Variants in ANKRD33B observed in about 807,000 individuals in gnomAD.
The protein encoded by ANKRD33B is ankyrin repeat domain 33B.
ANKRD33B carries 6 observed loss-of-function variants against 21.5 expected under a neutral mutation model. The observed-to-expected ratio is 0.28, with a 90% CI of 0.15 to 0.55. ANKRD33B has a LOEUF of 0.55. Among genes scored for constraint, ANKRD33B ranks in the 20% least tolerant of loss-of-function variants. The probability of loss-of-function intolerance (pLI) is 0.94; values close to 1 mark genes in which losing one functional copy is unlikely to be tolerated. For missense variants in ANKRD33B, 698 were observed against 747.2 expected (o/e 0.93, Z 0.77); for synonymous variants, 347 against 342.4 (o/e 1.01, Z -0.15).
rs758987186 is a variant in ANKRD33B at position 10,638,042 on chromosome 5, A to G, written c.511A>G (p.Thr171Ala). ...TAAQAGHAII[T>A]NYLLNYFPGL... ...TCTCTTTACAGGGCACGCTATCATC[A>G]CTAACTACTTGTTGAACTATTTCCC... The change falls in exon 3 of 4, where the codon ACT (threonine) becomes GCT (alanine). Residue 171 changes from threonine (T) to alanine (A), a missense_variant. Thr to Ala is a moderately conservative substitution (Grantham distance 58). This residue lies in a region of ANKRD33B where 543 missense variants were observed against 566.5 expected (regional missense o/e 0.96). Coordinates refer to ENST00000296657, the MANE Select transcript of ANKRD33B (RefSeq NM_001164440.2). 1.4e-4 allele frequency: 209 copies of G among 1,537,660 alleles called. No individual in the cohort carries two copies. The highest frequency in any genetic ancestry group is 1.8e-4 in the Non-Finnish European group (204 of 1,146,968).
intron 1 of ANKRD33B, among the ~76,000 whole-genome samples, chr5:10,574,013 C>T (rs1450229475): frequency 2.0e-5 from 3 of 152,234 alleles, no homozygotes; most frequent in Non-Finnish European, 4.4e-5. Flanking sequence ...GGCCTCCTCT[C>T]AGTCATGCTC....
intron 3 of ANKRD33B, among the ~76,000 whole-genome samples, chr5:10,647,779 C>A (rs1737221554): frequency 6.6e-6 from 1 of 152,174 alleles, no homozygotes; most frequent in Admixed American, 6.5e-5. Flanking sequence ...GGTGGAATTT[C>A]TTTGTTTCCA....
chr5:10,566,091 A>G (rs558097076), intron 1 of ANKRD33B, among the ~76,000 whole-genome samples: 23 of 152,298 alleles, frequency 1.5e-4, no homozygotes, highest in Non-Finnish European at 5.9e-5. Flanking sequence ...CTCCCACAAC[A>G]CGTGGGAATT....
intron 1 of ANKRD33B, among the ~76,000 whole-genome samples, chr5:10,566,809 T>C (rs1414651063): frequency 6.6e-6 from 1 of 152,048 alleles, no homozygotes; most frequent in Non-Finnish European, 1.5e-5. Context: ...GTCTGTAAAA[T>C]AGGGATAAGG....
At chr5:10,580,301 G>T (rs1465007057) in intron 1 of ANKRD33B, among the ~76,000 whole-genome samples, 2 of 152,248 alleles carry the variant, frequency 1.3e-5, no homozygotes, top group African/African-American at 4.8e-5. Flanking sequence ...GGGCCACACT[G>T]TCTGCTCATT....
intron 2 of ANKRD33B, among the ~76,000 whole-genome samples, chr5:10,621,658 TGAA>T (rs1421328371): frequency 3.2e-4 from 48 of 152,132 alleles, no homozygotes; most frequent in Admixed American, 3.1e-3. Flanking sequence ...AAAGGAAATT[TGAA>T]GAACAGGCAC....
intron 3 of ANKRD33B, among the ~76,000 whole-genome samples, chr5:10,640,882 T>G (rs1196095116): frequency 6.6e-6 from 1 of 152,180 alleles, no homozygotes; most frequent in African/African-American, 2.4e-5. Flanking sequence ...CTTCTTACTG[T>G]CTCCTCTCAT....
At chr5:10,596,341 CCT>C (rs1735817065) in intron 1 of ANKRD33B, among the ~76,000 whole-genome samples, 1 of 152,150 alleles carries the variant, frequency 6.6e-6, no homozygotes, top group East Asian at 1.9e-4. Context: ...CTGATAAGCC[CCT>C]GTGTGCATTG....
At chr5:10,629,474 T>G (rs1042455018) in intron 2 of ANKRD33B, among the ~76,000 whole-genome samples, 1 of 152,086 alleles carries the variant, frequency 6.6e-6, no homozygotes, top group East Asian at 1.9e-4. Context: ...ACTGGTGGTG[T>G]TCATCACTGA....
intron 1 of ANKRD33B, among the ~76,000 whole-genome samples, chr5:10,577,747 A>G (rs1735355934): frequency 6.6e-6 from 1 of 152,244 alleles, no homozygotes; most frequent in South Asian, 2.1e-4. Context: ...TTTTGCTGGC[A>G]CTGGGAATTC....
chr5:10,630,309 T>C (rs993929694), intron 2 of ANKRD33B, among the ~76,000 whole-genome samples: 3 of 152,220 alleles, frequency 2.0e-5, no homozygotes, highest in Non-Finnish European at 2.9e-5. Flanking sequence ...ACTCATCCTC[T>C]TCCTGGGAGC....
chr5:10,581,407 G>A (rs577493164), intron 1 of ANKRD33B, among the ~76,000 whole-genome samples: 2 of 152,364 alleles, frequency 1.3e-5, no homozygotes, highest in African/African-American at 4.8e-5. Context: ...CGCCAACACC[G>A]TGGCTCCTAG....
At chr5:10,641,268 G>A (rs1441751480) in intron 3 of ANKRD33B, among the ~76,000 whole-genome samples, 2 of 124,498 alleles carry the variant, frequency 1.6e-5, no homozygotes, top group African/African-American at 3.1e-5. Context: ...TCACTCTGTC[G>A]CCCAGGCTGG....
At chr5:10,566,908 C>T (rs1285566534) in intron 1 of ANKRD33B, among the ~76,000 whole-genome samples, 1 of 152,248 alleles carries the variant, frequency 6.6e-6, no homozygotes, top group Non-Finnish European at 1.5e-5. Context: ...TGTTTACCAT[C>T]GTGTTTCTCA....
In ANKRD33B at chr5:10,653,886, G is replaced by A. The variant is rs926689831; in HGVS notation, c.*3773G>A. On this transcript the variant is annotated 3_prime_UTR_variant, in exon 4 of 4. Transcript: ENST00000296657. Reference sequence around the variant, plus strand: ...CTCGCCCTCCCTGGATCTGCCATGTGGTTCAGGGAGGAGGGGACCGATGAG... The same window carrying A: ...CTCGCCCTCCCTGGATCTGCCATGTAGTTCAGGGAGGAGGGGACCGATGAG... 6.6e-6 allele frequency: 1 copy of A among 152,372 alleles called. No individual in the cohort carries two copies. Among genetic ancestry groups the A allele is most frequent in the African/African-American group, 2.4e-5 (1 of 41,452 alleles). The allele number at this position is 152,372 out of a possible 1,614,324, so 9.4% of individuals were successfully genotyped here. A position where few individuals can be genotyped will look rare whatever the true frequency, so the allele number is the denominator to read the frequency against.
intron 2 of ANKRD33B, 76 bp downstream of exon 2, chr5:10,618,538 C>T (rs184975566): frequency 4.0e-5 from 58 of 1,449,594 alleles, no homozygotes; most frequent in Middle Eastern, 1.8e-4. Context: ...GCTCCCGTTG[C>T]GATGCAGTCA....
At chr5:10,618,301 C>T (rs532620037) in intron 1 of ANKRD33B, 32 bp from the exon 2 acceptor site, 3 of 1,536,028 alleles carry the variant, frequency 2.0e-6, no homozygotes, top group African/African-American at 2.7e-5. Flanking sequence ...CCGACTCTGC[C>T]CCTCTGACCC....
At chr5:10,643,500 T>G (rs1040702162) in intron 3 of ANKRD33B, among the ~76,000 whole-genome samples, 1 of 152,182 alleles carries the variant, frequency 6.6e-6, no homozygotes, top group African/African-American at 2.4e-5. Flanking sequence ...TCGCTTGTTC[T>G]GTATTCCTCC....
chr5:10,595,278 C>G (rs1226844659), intron 1 of ANKRD33B, among the ~76,000 whole-genome samples: 1 of 152,082 alleles, frequency 6.6e-6, no homozygotes, highest in Non-Finnish European at 1.5e-5. Context: ...GCTGCCGTAA[C>G]AAATGACCAC....
Sources: allele counts gnomAD v4.1 joint callset (sites outside exome capture counted in the v4.1 genomes callset), GRCh38; gene constraint gnomAD v4.1.1; regional missense constraint gnomAD v4.1.1; transcripts MANE v1.5; gene names NCBI Gene and HGNC (gene_info 2026-07-23, HGNC 2026-07-21).